Variants in CATSPERB observed in about 807,000 individuals in gnomAD.
CATSPERB encodes catsper channel auxiliary subunit beta, also known as cation channel sperm-associated auxiliary subunit beta.
In CATSPERB, 93 loss-of-function variants were observed where a neutral mutation model predicts 128.3. The observed-to-expected ratio is 0.72, with a 90% CI of 0.61 to 0.86. CATSPERB has a LOEUF of 0.86. Among genes scored for constraint, CATSPERB ranks in the 40% least tolerant of loss-of-function variants. The pLI is 0.00. For synonymous variants in CATSPERB, 381 were observed against 448.8 expected, an observed-to-expected ratio of 0.85 and a Z score of 1.91; for missense variants, 1,153 against 1,329.5, an observed-to-expected ratio of 0.87 and a Z score of 2.06.
At chr14:91,587,786 T>G (rs189728572) in intron 25 of CATSPERB, among the ~76,000 whole-genome samples, 192 bp downstream of exon 25, 1 of 152,240 alleles carries the variant, frequency 6.6e-6, no homozygotes, top group East Asian at 1.9e-4. Flanking sequence ...TGCTCAAAAC[T>G]TTGGAAATAA....
Position 91,663,562 on chromosome 14 carries a change from G to A in CATSPERB, c.1288-3581C>T, listed in dbSNP as rs576161418. 2.1e-4 allele frequency among the ~76,000 whole-genome samples: 32 copies of A among 149,856 alleles called. 1 individual carries two copies. In the South Asian group the frequency reaches 6.1e-3, roughly 29 times the overall value. On this transcript the variant is annotated intron_variant, in intron 14 of 26. Coordinates refer to ENST00000256343, the MANE Select transcript of CATSPERB (RefSeq NM_024764.4). Reference sequence around the variant, plus strand: ...TGGGAGGCTGAGGCAGAAGAATGGCGTGAACCCGGGAGGCGGAGCTTGCAG... The same window carrying A: ...TGGGAGGCTGAGGCAGAAGAATGGCATGAACCCGGGAGGCGGAGCTTGCAG...
At chr14:91,589,468 A>T (rs1893358525) in intron 24 of CATSPERB, 66 bp downstream of exon 24, 2 of 1,483,060 alleles carry the variant, frequency 1.3e-6, no homozygotes, top group African/African-American at 2.8e-5. Context: ...AAAACCATTG[A>T]TCTTTGTAAA....
intron 20 of CATSPERB, 25 bp from the exon 21 acceptor site, chr14:91,610,702 G>T: frequency 6.2e-7 from 1 of 1,603,734 alleles, no homozygotes. Context: ...ATAAATGAAG[G>T]TTATTTAAAG....
At chr14:91,679,075 G>A (rs901207229) in intron 11 of CATSPERB, among the ~76,000 whole-genome samples, 12 of 152,108 alleles carry the variant, frequency 7.9e-5, no homozygotes, top group African/African-American at 2.9e-4. Context: ...AATGCTTGCA[G>A]GTAAACTTTA....
intron 1 of CATSPERB, 96 bp from the exon 2 acceptor site, chr14:91,729,575 C>G (rs1896179790): frequency 1.7e-6 from 1 of 583,082 alleles, no homozygotes; most frequent in East Asian, 3.1e-5. Flanking sequence ...AAGAAATAAT[C>G]TCAATATTCT....
chr14:91,594,154 A>T (rs1453195663), intron 22 of CATSPERB, among the ~76,000 whole-genome samples: 1 of 152,248 alleles, frequency 6.6e-6, no homozygotes, highest in Non-Finnish European at 1.5e-5. Context: ...GCCATAAAAA[A>T]TGATGAGTTC....
intron 5 of CATSPERB, chr14:91,710,171 GAAC>G (rs1350422768): frequency 1.3e-5 from 2 of 152,400 alleles, no homozygotes; most frequent in Non-Finnish European, 2.9e-5. Context: ...AACTCAACGA[GAAC>G]AACAGTAGCA....
intron 11 of CATSPERB, among the ~76,000 whole-genome samples, chr14:91,679,899 G>A (rs916781207): frequency 6.6e-6 from 1 of 152,072 alleles, no homozygotes; most frequent in African/African-American, 2.4e-5. Flanking sequence ...ACTAATCCAT[G>A]TGCTGTTAAG....
chr14:91,702,333 C>A (rs576470216), intron 7 of CATSPERB, among the ~76,000 whole-genome samples: 9 of 151,190 alleles, frequency 6.0e-5, no homozygotes, highest in Non-Finnish European at 1.3e-4. Context: ...GAAAAAGACA[C>A]AATTATTAGG....
At chr14:91,601,575 G>A (rs894938347) in intron 22 of CATSPERB, among the ~76,000 whole-genome samples, 1 of 152,110 alleles carries the variant, frequency 6.6e-6, no homozygotes, top group Non-Finnish European at 1.5e-5. Context: ...CAGGTTCAAG[G>A]TTGAGTTTAA....
chr14:91,600,872 C>T (rs1595140805), intron 22 of CATSPERB, among the ~76,000 whole-genome samples: 1 of 152,326 alleles, frequency 6.6e-6, no homozygotes, highest in East Asian at 1.9e-4. Context: ...ATGGTCATCA[C>T]AAATTCAAAG....
intron 22 of CATSPERB, among the ~76,000 whole-genome samples, chr14:91,606,466 G>C (rs925924847): frequency 1.3e-5 from 2 of 151,996 alleles, no homozygotes; most frequent in African/African-American, 2.4e-5. Flanking sequence ...AGGGGCCTGA[G>C]GCAGGAGAAT....
intron 14 of CATSPERB, among the ~76,000 whole-genome samples, chr14:91,667,401 G>C (rs1233688862): frequency 6.6e-6 from 1 of 152,176 alleles, no homozygotes; most frequent in Non-Finnish European, 1.5e-5. Context: ...AAGTCAGATA[G>C]AAAGAAAGAG....
In CATSPERB at chr14:91,687,760, G is replaced by A. The variant is rs536272507; in HGVS notation, c.864+3763C>T. 2.6e-5 allele frequency among the ~76,000 whole-genome samples: 4 copies of A among 152,182 alleles called. No individual in the cohort carries two copies. In the East Asian group the frequency reaches 7.7e-4, roughly 29 times the overall value. On this transcript the variant is annotated intron_variant, in intron 10 of 26. Coordinates refer to ENST00000256343, the MANE Select transcript of CATSPERB (RefSeq NM_024764.4). ...ACTTGAGGTCAGGAGTTTGAGACCA[G>A]CCTGGCTAACATGGTGAAACCCTAT...
At chr14:91,616,232 TA>T (rs1432150459) in intron 20 of CATSPERB, among the ~76,000 whole-genome samples, 1 of 152,216 alleles carries the variant, frequency 6.6e-6, no homozygotes, top group Non-Finnish European at 1.5e-5. Flanking sequence ...AGCAACCGTG[TA>T]CAAGTGTTCC....
At chr14:91,638,529 T>C (rs551086141) in intron 16 of CATSPERB, among the ~76,000 whole-genome samples, 1 of 152,154 alleles carries the variant, frequency 6.6e-6, no homozygotes, top group East Asian at 1.9e-4. Flanking sequence ...CAAGTGATCC[T>C]CCTGCCTCAG....
Position 91,677,545 on chromosome 14 carries a change from A to G in CATSPERB, c.932-3323T>C, listed in dbSNP as rs1895211684. Among the ~76,000 whole-genome samples, 3 of 152,220 alleles carry G rather than the reference A, an allele frequency of 2.0e-5. No individual in the cohort carries two copies. The South Asian group carries it at 6.2e-4, about 31-fold the overall frequency. On this transcript the variant is annotated intron_variant, in intron 11 of 26. Transcript: ENST00000256343. ...ACCTGTCAGAATGGTGATTATTAAA[A>G]AGCCAAGAAACAATAGATGCTGGCA...
chr14:91,586,976 A>C lies in CATSPERB; in HGVS notation c.3132+226T>G, dbSNP rs76594247. Among the ~76,000 whole-genome samples the C allele has an allele frequency of 5.3e-4, 80 of 152,356 alleles. No homozygotes were observed. The highest frequency in any genetic ancestry group is 1.2e-3 in the African/African-American group (50 of 41,580). On this transcript the variant is annotated intron_variant, in intron 26 of 26. Transcript: ENST00000256343. ...AACAAAGACAGCCACGTATTATTAC[A>C]TGTATTATTAAAATTCTGGCAGCAT...
chr14:91,636,677 C>G, intron 16 of CATSPERB, 98 bp from the exon 17 acceptor site: 1 of 1,033,954 alleles, frequency 9.7e-7, no homozygotes, highest in Non-Finnish European at 1.4e-6. Context: ...CACATTAAAA[C>G]AATACTGGTT....
Sources: allele counts gnomAD v4.1 joint callset (sites outside exome capture counted in the v4.1 genomes callset), GRCh38; gene constraint gnomAD v4.1.1; transcripts MANE v1.5; gene names NCBI Gene and HGNC (gene_info 2026-07-23, HGNC 2026-07-21).